ANK2: variants seen among roughly 807,000 people sequenced by gnomAD.
The protein encoded by ANK2 is ankyrin-2.
A neutral mutation model predicts 360.5 loss-of-function variants in ANK2; 83 were observed. The observed-to-expected ratio is 0.23, with a 90% CI of 0.19 to 0.28. The LOEUF is 0.28. Ranked by LOEUF, ANK2 falls within the 10% of genes least tolerant of loss-of-function variation. The probability of loss-of-function intolerance (pLI) is 1.00; values close to 1 mark genes in which losing one functional copy is unlikely to be tolerated. For missense variants in ANK2, 4,201 were observed against 4,795.7 expected (o/e 0.88, Z 3.66); for synonymous variants, 1,740 against 1,759.5 (o/e 0.99, Z 0.28).
At chr4:113,172,603 T>G (rs752051242) in intron 1 of ANK2, among the ~76,000 whole-genome samples, 3 of 152,190 alleles carry the variant, frequency 2.0e-5, no homozygotes, top group Non-Finnish European at 4.4e-5. Flanking sequence ...TCAGTAAATG[T>G]TACCTATAAG....
intron 2 of ANK2, among the ~76,000 whole-genome samples, chr4:112,966,135 G>C (rs1431666845): frequency 2.0e-5 from 3 of 151,554 alleles, no homozygotes; most frequent in Non-Finnish European, 4.4e-5. Context: ...CATCAATTAG[G>C]ATTCAAACTA....
the ANK2 span, among the ~76,000 whole-genome samples, chr4:112,711,401 T>C: frequency 2.0e-5 from 3 of 152,150 alleles, no homozygotes; most frequent in African/African-American, 7.2e-5. Flanking sequence ...TGGGTGCCTG[T>C]ACTCCCAGCT....
chr4:112,966,890 T>A (rs765164913), intron 2 of ANK2, among the ~76,000 whole-genome samples: 1 of 152,186 alleles, frequency 6.6e-6, no homozygotes, highest in Non-Finnish European at 1.5e-5. Flanking sequence ...AAATCTCATT[T>A]TCAGCTTGAG....
chr4:113,258,290 A>T (rs766163359), intron 12 of ANK2, 23 bp from the exon 13 acceptor site: 8 of 1,611,768 alleles, frequency 5.0e-6, no homozygotes, highest in Non-Finnish European at 6.8e-6. Flanking sequence ...GAGGAGTAAA[A>T]CTGCTGTTGC....
intron 27 of ANK2, among the ~76,000 whole-genome samples, chr4:113,330,690 ACTT>A (rs1168355522): frequency 3.3e-5 from 5 of 152,176 alleles, no homozygotes; most frequent in African/African-American, 9.7e-5. Flanking sequence ...GTTGAATACC[ACTT>A]CTTCTTTTTG....
At chr4:112,732,686 GGGACGC>G in the ANK2 span, among the ~76,000 whole-genome samples, 5 of 152,266 alleles carry the variant, frequency 3.3e-5, no homozygotes, top group East Asian at 9.7e-4. Context: ...ATTGAGTGTT[GGGACGC>G]ACTTTTAGAA....
chr4:113,293,606 T>C (rs545547624), intron 22 of ANK2, 68 bp downstream of exon 22: 343 of 1,419,438 alleles, frequency 2.4e-4, no homozygotes, highest in Non-Finnish European at 3.2e-4. Context: ...ACATGTACAG[T>C]ACTTTTTCAC....
chr4:112,823,028 G>T (rs562980363), intron 1 of ANK2, among the ~76,000 whole-genome samples: 2 of 152,056 alleles, frequency 1.3e-5, no homozygotes, highest in African/African-American at 2.4e-5. Context: ...TTTTGGTAAG[G>T]GTAAGACTCC....
At chr4:112,805,432 A>AT in the ANK2 span, among the ~76,000 whole-genome samples, 1 of 152,050 alleles carries the variant, frequency 6.6e-6, no homozygotes, top group South Asian at 2.1e-4. Flanking sequence ...TCAACAGATC[A>AT]TTTTTTGTGC....
At chr4:112,941,953 C>G (rs2094254630) in intron 2 of ANK2, among the ~76,000 whole-genome samples, 1 of 151,096 alleles carries the variant, frequency 6.6e-6, no homozygotes, top group South Asian at 2.1e-4. Flanking sequence ...TAAAATAATA[C>G]TTATAATATT....
At chr4:113,024,151 C>T (rs1444469669) in intron 2 of ANK2, among the ~76,000 whole-genome samples, 2 of 152,000 alleles carry the variant, frequency 1.3e-5, no homozygotes, top group Non-Finnish European at 2.9e-5. Context: ...GAATAAAAAC[C>T]AGAAAAGAAT....
chr4:113,047,203 G>T (rs563874562), upstream of ANK2, among the ~76,000 whole-genome samples: 4 of 152,116 alleles, frequency 2.6e-5, no homozygotes, highest in African/African-American at 9.7e-5. Context: ...TAATTGCTTG[G>T]CTTGGTCCAT....
At chr4:113,212,571 G>A (rs1193387314) in intron 4 of ANK2, among the ~76,000 whole-genome samples, 1 of 152,188 alleles carries the variant, frequency 6.6e-6, no homozygotes, top group Non-Finnish European at 1.5e-5. Context: ...CGCAAATTCT[G>A]AAGCTAGGTG....
Position 113,358,191 on chromosome 4 carries a change from G to A in ANK2, c.9573G>A (p.Glu3191=), listed in dbSNP as rs1331922213. Residue 3191 remains glutamate (E), a synonymous_variant, in exon 38 of 46, where the codon GAG becomes GAA. Coordinates refer to ENST00000357077, the MANE Select transcript of ANK2 (RefSeq NM_001148.6). ...CAGATGACGTGAGTGAGGAAGTAGA[G>A]GAAATACCTGCTTCGGATGCTCAAC... ...LLPDDVSEEV[E]EIPASDAQLN... is the part of the protein sequence containing the mutation. 6.2e-7 allele frequency: 1 copy of A among 1,614,064 alleles called. No homozygotes were observed. Among genetic ancestry groups the A allele is most frequent in the African/African-American group, 1.3e-5 (1 of 75,042 alleles).
chr4:113,251,773 C>T (rs529653424), intron 10 of ANK2, among the ~76,000 whole-genome samples: 4 of 151,896 alleles, frequency 2.6e-5, no homozygotes, highest in Admixed American at 6.5e-5. Flanking sequence ...TGAGCCACCA[C>T]GCCTGGCCAT....
chr4:112,865,030 TCAAAAAAAA>T (rs1425325300), intron 1 of ANK2, among the ~76,000 whole-genome samples: 26 of 37,884 alleles, frequency 6.9e-4, no homozygotes, highest in African/African-American at 2.9e-3. Context: ...AGACTCCATC[TCAAAAAAAA>T]AAAAAAAAAA....
At chr4:112,712,615 G>A in the ANK2 span, among the ~76,000 whole-genome samples, 1 of 150,802 alleles carries the variant, frequency 6.6e-6, no homozygotes, top group Non-Finnish European at 1.5e-5. Flanking sequence ...CACCGTGTTA[G>A]CCAGGATGGT....
At chr4:113,252,814 A>G (rs1264153026) in intron 10 of ANK2, among the ~76,000 whole-genome samples, 1 of 152,156 alleles carries the variant, frequency 6.6e-6, no homozygotes, top group African/African-American at 2.4e-5. Context: ...ACTCACATTC[A>G]TGCAATCAAA....
intron 1 of ANK2, among the ~76,000 whole-genome samples, chr4:112,879,121 CAAAACAA>C (rs1166164808): frequency 6.6e-6 from 1 of 151,936 alleles, no homozygotes. Context: ...CAAAACAAAA[CAAAACAA>C]AAAACAAAAA....
Sources: allele counts gnomAD v4.1 joint callset (sites outside exome capture counted in the v4.1 genomes callset), GRCh38; gene constraint gnomAD v4.1.1; transcripts MANE v1.5; gene names NCBI Gene and HGNC (gene_info 2026-07-23, HGNC 2026-07-21).